The following PCDHGA11 variants were observed in gnomAD, a reference collection of about 807,000 sequenced individuals.
The protein encoded by PCDHGA11 is protocadherin gamma-A11.
Under a neutral mutation model 60.4 loss-of-function variants are expected in PCDHGA11, and 39 were observed. The ratio of observed to expected loss-of-function variants is 0.65; its 90% CI spans 0.50 to 0.84. The LOEUF is 0.84. Ranked by LOEUF, PCDHGA11 falls within the 40% of genes least tolerant of loss-of-function variation. The pLI is 0.00. For missense variants in PCDHGA11, 1,165 were observed against 1,197.7 expected (o/e 0.97, Z 0.40); for synonymous variants, 533 against 510.3 (o/e 1.04, Z -0.60).
chr5:141,424,799 A>G (rs552155487), intron 1 of PCDHGA11: 90 of 152,274 alleles, frequency 5.9e-4, no homozygotes, highest in African/African-American at 2.1e-3. Context: ...ATTCAGACCA[A>G]CTTGTTATTG....
intron 1 of PCDHGA11, among the ~76,000 whole-genome samples, chr5:141,447,728 A>G (rs2098549955): frequency 6.6e-6 from 1 of 152,204 alleles, no homozygotes; most frequent in Non-Finnish European, 1.5e-5. Flanking sequence ...TCCAAAACTC[A>G]TTGAACTTAA....
At position 141,423,462 on chromosome 5, in the gene PCDHGA11, C is replaced by A. The variant is rs371118964; in HGVS notation, c.2235C>A (p.Asp745Glu). ...CCACGTCACATTTTGTAGGCGTGGA[C>A]GGGGTACAGGCTTTCCTGCAAACCT... ...GMPTSHFVGV[D>E]GVQAFLQTYS... Residue 745 changes from aspartate (D) to glutamate (E), a missense_variant, in exon 1 of 4, where the codon GAC becomes GAA. Physicochemically the swap from Asp to Glu is conservative, Grantham distance 45 (BLOSUM62 2). Transcript: ENST00000398587. 8.1e-6 allele frequency: 13 copies of A among 1,613,808 alleles called. No homozygotes were observed. The African/African-American group carries it at 1.7e-4, about 22-fold the overall frequency.
chr5:141,510,817 T>C, intron 3 of PCDHGA11, 130 bp from the exon 4 acceptor site: 2 of 1,551,592 alleles, frequency 1.3e-6, no homozygotes, highest in African/African-American at 2.7e-5. Flanking sequence ...GTGACCCCTA[T>C]ATTCCCAGTG....
intron 1 of PCDHGA11, among the ~76,000 whole-genome samples, chr5:141,442,726 C>A (rs1160438073): frequency 2.6e-5 from 4 of 152,060 alleles, no homozygotes; most frequent in Non-Finnish European, 5.9e-5. Context: ...GCATTTGGGG[C>A]CTGTAGGTAA....
rs2233603 is a variant in PCDHGA11 at position 141,490,063 on chromosome 5, G to A, written c.2434-4744G>A. 1,259 of 1,614,208 alleles carry A rather than the reference G, an allele frequency of 7.8e-4. 6 individuals carry two copies. The African/African-American group carries it at 0.013, about 16-fold the overall frequency. On this transcript the variant is annotated intron_variant, in intron 1 of 3. Transcript: ENST00000398587. The surrounding 1 kb of genome is among the most constrained non-coding windows in gnomAD (Gnocchi z 5.4). ...CACTGATCCAGACGAGGGCACCAAC[G>A]GCCAACTAGACTATTCTTTTGGAGA...
rs1228771998 is a variant in PCDHGA11 at position 141,477,832 on chromosome 5, A to G, written c.2434-16975A>G. The stretch of plus-strand genomic sequence containing the variant: ...CCCCCCAGGTCCTATATCCTCGGCC[A>G]GGTGGGAGCTCGGTGGAGATGCTGC... On this transcript the variant is annotated intron_variant, in intron 1 of 3. Transcript: ENST00000398587. This position sits in a 1 kb window ranked among gnomAD's most constrained non-coding sequence, Gnocchi z 4.9. 1.2e-6 allele frequency: 2 copies of G among 1,614,166 alleles called. No homozygotes were observed. Among genetic ancestry groups the G allele is most frequent in the South Asian group, 1.1e-5 (1 of 91,086 alleles).
In PCDHGA11 at chr5:141,485,872, G is replaced by A; in HGVS notation, c.2434-8935G>A. ...CCGCAGAGCTCCGGGTATCCGTGCT[G>A]GACGTAAACGACAACGCCCCAGCCT... On this transcript the variant is annotated intron_variant, in intron 1 of 3. Transcript: ENST00000398587. The surrounding 1 kb of genome is among the most constrained non-coding windows in gnomAD (Gnocchi z 5.7). 1 of 1,614,170 alleles carries A rather than the reference G, an allele frequency of 6.2e-7. No homozygotes were observed. The highest frequency in any genetic ancestry group is 2.2e-5 in the East Asian group (1 of 44,876).
chr5:141,437,622 A>G (rs1007643306), intron 1 of PCDHGA11, among the ~76,000 whole-genome samples: 2 of 152,192 alleles, frequency 1.3e-5, no homozygotes, highest in Non-Finnish European at 2.9e-5. Flanking sequence ...TTATCCCCAT[A>G]TAAGATGTCA....
At position 141,473,164 on chromosome 5, in the gene PCDHGA11, G is replaced by A. The variant is rs190029663; in HGVS notation, c.2434-21643G>A. Among the ~76,000 whole-genome samples the A allele has an allele frequency of 1.6e-3, 241 of 152,250 alleles. 5 individuals carry two copies. The highest frequency in any genetic ancestry group is 2.1e-4 in the Non-Finnish European group (14 of 68,014). ...TCTTCAGATCACTAGGGCTAGGAAG[G>A]CCCACTGGTAACTTGAAGGAGTAAA... On this transcript the variant is annotated intron_variant, in intron 1 of 3. Transcript: ENST00000398587.
chr5:141,422,579 C>T lies in PCDHGA11; in HGVS notation c.1352C>T (p.Pro451Leu). The change falls in exon 1 of 4, where the codon CCC becomes CTC. Residue 451 changes from proline (P) to leucine (L), a missense_variant. By Grantham distance (98) the Pro-to-Leu change is moderately conservative. Coordinates refer to ENST00000398587, the MANE Select transcript of PCDHGA11 (RefSeq NM_018914.3). ...LNVADDNDNP[P>L]VFPHSSYSAY... is the part of the protein sequence containing the mutation. ...GTGGCAGATGACAACGATAACCCTC[C>T]CGTTTTTCCTCACTCCTCTTACTCT... The T allele has an allele frequency of 6.2e-7, 1 of 1,614,052 alleles. No homozygotes were observed. The highest frequency in any genetic ancestry group is 8.5e-7 in the Non-Finnish European group (1 of 1,179,958).
chr5:141,499,253 T>C (rs1189676230), intron 2 of PCDHGA11, among the ~76,000 whole-genome samples: 1 of 152,030 alleles, frequency 6.6e-6, no homozygotes, highest in Non-Finnish European at 1.5e-5. Context: ...ACAAAGAGTC[T>C]CCATTTGGTC....
In PCDHGA11 at chr5:141,486,487, C is replaced by T; in HGVS notation, c.2434-8320C>T. ...CTGGGAACCCTCCTCTCAGTACCCA[C>T]AGAACTATTTTCCTCAATATTTCAG... On this transcript the variant is annotated intron_variant, in intron 1 of 3. Coordinates refer to ENST00000398587, the MANE Select transcript of PCDHGA11 (RefSeq NM_018914.3). This position sits in a 1 kb window ranked among gnomAD's most constrained non-coding sequence, Gnocchi z 5.0. 1 of 1,614,086 alleles carries T rather than the reference C, an allele frequency of 6.2e-7. No individual in the cohort carries two copies. Among genetic ancestry groups the T allele is most frequent in the Non-Finnish European group, 8.5e-7 (1 of 1,179,918 alleles).
At chr5:141,492,834 G>A (rs544218873) in intron 1 of PCDHGA11, among the ~76,000 whole-genome samples, 7 of 152,214 alleles carry the variant, frequency 4.6e-5, no homozygotes, top group African/African-American at 1.7e-4. Context: ...CCTTCCTCCC[G>A]CAGGAAGTGA....
chr5:141,469,821 G>GTCAC (rs2099212195), intron 1 of PCDHGA11, among the ~76,000 whole-genome samples: 1 of 152,028 alleles, frequency 6.6e-6, no homozygotes, highest in African/African-American at 2.4e-5. Flanking sequence ...TAGAATGGAG[G>GTCAC]TCACATAAAA....
intron 1 of PCDHGA11, among the ~76,000 whole-genome samples, chr5:141,482,141 A>C (rs1302783884): frequency 6.6e-6 from 1 of 152,116 alleles, no homozygotes; most frequent in African/African-American, 2.4e-5. Flanking sequence ...GCTGGCATAA[A>C]AAGGTCAAGT....
intron 1 of PCDHGA11, among the ~76,000 whole-genome samples, chr5:141,473,033 G>A (rs1199215390): frequency 1.4e-5 from 2 of 146,282 alleles, no homozygotes. Flanking sequence ...AAGGAAGGAA[G>A]GAAAGAAAGA....
At chr5:141,427,922 G>T (rs949317839) in intron 1 of PCDHGA11, 2 of 1,580,624 alleles carry the variant, frequency 1.3e-6, no homozygotes, top group African/African-American at 1.3e-5. Context: ...ACATGAGCCG[G>T]CGCATGTTGG....
At chr5:141,427,803 G>A (rs781324396) in intron 1 of PCDHGA11, 2 of 1,511,804 alleles carry the variant, frequency 1.3e-6, no homozygotes, top group Admixed American at 1.7e-5. Context: ...GTCCGTGAGC[G>A]CACAGAGCGG....
intron 1 of PCDHGA11, among the ~76,000 whole-genome samples, chr5:141,463,179 A>G (rs1261927835): frequency 6.6e-6 from 1 of 152,082 alleles, no homozygotes; most frequent in Non-Finnish European, 1.5e-5. Context: ...GTATGCTCAG[A>G]TTATTATTTA....
Sources: allele counts gnomAD v4.1 joint callset (sites outside exome capture counted in the v4.1 genomes callset), GRCh38; gene constraint gnomAD v4.1.1; non-coding constraint Gnocchi (gnomAD v3.1); transcripts MANE v1.5; gene names NCBI Gene and HGNC (gene_info 2026-07-23, HGNC 2026-07-21).